The following WDSUB1 variants were observed in gnomAD, a reference collection of about 807,000 sequenced individuals.
WDSUB1 encodes the protein WD repeat, SAM and U-box domain-containing protein 1.
In WDSUB1, 49 loss-of-function variants were observed where a neutral mutation model predicts 53.9. The ratio of observed to expected loss-of-function variants is 0.91; its 90% CI spans 0.72 to 1.15. The LOEUF (loss-of-function observed/expected upper bound fraction) is 1.15, where lower values mean the gene tolerates loss of function less well. Ranked by LOEUF, WDSUB1 falls within the 50% of genes most tolerant of loss-of-function variation. The probability of loss-of-function intolerance (pLI) is 0.00; values close to 1 mark genes in which losing one functional copy is unlikely to be tolerated. For missense variants in WDSUB1, 514 were observed against 562.0 expected (o/e 0.91, Z 0.86); for synonymous variants, 194 against 200.6 (o/e 0.97, Z 0.28).
At position 159,248,497 on chromosome 2, in the gene WDSUB1, C is replaced by T. The variant is rs777763391; in HGVS notation, c.1148G>A (p.Arg383His). 19 of 1,557,718 alleles carry T rather than the reference C, an allele frequency of 1.2e-5. No individual in the cohort carries two copies. The highest frequency in any genetic ancestry group is 1.0e-4 in the Admixed American group (5 of 48,098). The change falls in exon 10 of 11, where the codon CGT becomes CAT. Residue 383 changes from arginine (R) to histidine (H), a missense_variant. Physicochemically the swap from Arg to His is conservative, Grantham distance 29. Coordinates refer to ENST00000359774, the MANE Select transcript of WDSUB1 (RefSeq NM_001128212.3). The part of the protein sequence containing the change: ...DDLKIESLGL[R>H]SKVLRKIEEL... The stretch of plus-strand genomic sequence containing the variant: ...TTCAATTTTCCTCAGCACTTTACTA[C>T]GCAGTCCTAGAGATTCTGAAAAGAA...
intron 9 of WDSUB1, among the ~76,000 whole-genome samples, chr2:159,248,922 T>C (rs2060883329): frequency 6.6e-6 from 1 of 152,216 alleles, no homozygotes; most frequent in South Asian, 2.1e-4. Context: ...AGAGATTTTA[T>C]CTACTACCAC....
chr2:159,261,032 T>C (rs2061177383), intron 5 of WDSUB1, among the ~76,000 whole-genome samples: 1 of 152,170 alleles, frequency 6.6e-6, no homozygotes, highest in Non-Finnish European at 1.5e-5. Flanking sequence ...TTCAAAGATA[T>C]AAAATAAAAC....
rs2061614510 is a variant in WDSUB1, at chr2:159,279,808, T to C, written c.536A>G (p.His179Arg). The C allele has an allele frequency of 6.2e-7, 1 of 1,610,038 alleles. No individual in the cohort carries two copies. The highest frequency in any genetic ancestry group is 1.7e-5 in the Admixed American group (1 of 59,950). The change falls in exon 3 of 11, where the codon CAT becomes CGT. Residue 179 changes from histidine to arginine, a missense_variant. Physicochemically the swap from His to Arg is conservative, Grantham distance 29. Transcript: ENST00000359774. ...ATCGCAGCAGGTAATTCCAAGATCA[T>C]GTGCTTTTTCACTATGCAGACACCT... ...KMRCLHSEKA[H>R]DLGITCCDFS...
rs138625384 is a variant in WDSUB1 at position 159,256,261 on chromosome 2, T to C, written c.1067A>G (p.Asn356Ser). The change falls in exon 9 of 11, where the codon AAT becomes AGT. Residue 356 changes from asparagine (N) to serine (S), a missense_variant. Physicochemically the swap from Asn to Ser is conservative, Grantham distance 46 (BLOSUM62 1). Transcript: ENST00000359774. ...LKDLVGIFKM[N>S]NIDGKELLNL... ...CAACAGTTCTTTTCCATCAATGTTATTCATCTTGAAAATACCAACAAGATC... is the reference window on the plus strand; with the variant it reads ...CAACAGTTCTTTTCCATCAATGTTACTCATCTTGAAAATACCAACAAGATC... The C allele has an allele frequency of 2.4e-5, 39 of 1,611,818 alleles. No homozygotes were observed. Among genetic ancestry groups the C allele is most frequent in the African/African-American group, 8.0e-5 (6 of 74,820 alleles).
chr2:159,245,086 T>C (rs1182112354), intron 10 of WDSUB1, among the ~76,000 whole-genome samples: 1 of 152,214 alleles, frequency 6.6e-6, no homozygotes, highest in Non-Finnish European at 1.5e-5. Context: ...CAAACTAATC[T>C]ATAGATTAAA....
At chr2:159,247,103 G>C (rs188755773) in intron 10 of WDSUB1, among the ~76,000 whole-genome samples, 301 of 152,288 alleles carry the variant, frequency 2.0e-3, no homozygotes, top group African/African-American at 6.4e-3. Flanking sequence ...CTGCAAACAA[G>C]AGTCCTGATA....
chr2:159,282,488 G>A (rs1289940485), intron 2 of WDSUB1, among the ~76,000 whole-genome samples, 184 bp downstream of exon 2: 1 of 152,108 alleles, frequency 6.6e-6, no homozygotes, highest in Non-Finnish European at 1.5e-5. Flanking sequence ...CACAGCACCT[G>A]GCCCAGTTAA....
At chr2:159,250,861 T>C (rs1197419940) in intron 9 of WDSUB1, among the ~76,000 whole-genome samples, 1 of 152,112 alleles carries the variant, frequency 6.6e-6, no homozygotes, top group African/African-American at 2.4e-5. Context: ...TTCCTAAAAA[T>C]CTTCCACCTG....
chr2:159,240,689 T>C (rs2060621471), intron 10 of WDSUB1, among the ~76,000 whole-genome samples: 2 of 152,152 alleles, frequency 1.3e-5, no homozygotes, highest in African/African-American at 4.8e-5. Flanking sequence ...ATTTTATAAA[T>C]GAGGAAACTG....
At chr2:159,256,930 A>C (rs2061077290) in intron 8 of WDSUB1, among the ~76,000 whole-genome samples, 1 of 152,182 alleles carries the variant, frequency 6.6e-6, no homozygotes, top group South Asian at 2.1e-4. Flanking sequence ...GGGACACATG[A>C]ATGTGCACTG....
intron 5 of WDSUB1, among the ~76,000 whole-genome samples, chr2:159,267,367 C>T (rs1272831988): frequency 6.6e-6 from 1 of 150,908 alleles, no homozygotes; most frequent in African/African-American, 2.4e-5. Context: ...GTGGCATGAT[C>T]ATAGGTTGCT....
At chr2:159,243,033 C>G (rs1212756595) in intron 10 of WDSUB1, among the ~76,000 whole-genome samples, 1 of 113,652 alleles carries the variant, frequency 8.8e-6, no homozygotes. Context: ...AGGAATTTCT[C>G]CACACATGTA....
chr2:159,263,241 T>C (rs1351221594), intron 5 of WDSUB1, among the ~76,000 whole-genome samples: 1 of 152,220 alleles, frequency 6.6e-6, no homozygotes, highest in Admixed American at 6.5e-5. Flanking sequence ...CTAGCAATTA[T>C]TTCCTGAGCC....
At chr2:159,253,151 C>T (rs2060986178) in intron 9 of WDSUB1, among the ~76,000 whole-genome samples, 1 of 152,166 alleles carries the variant, frequency 6.6e-6, no homozygotes, top group South Asian at 2.1e-4. Flanking sequence ...AAGTGACTTT[C>T]CTACTCTTAA....
In WDSUB1 at chr2:159,279,764, A is replaced by C. The variant is rs189905304; in HGVS notation, c.580T>G (p.Ser194Ala). 1 of 1,603,430 alleles carries C rather than the reference A, an allele frequency of 6.2e-7. No individual in the cohort carries two copies. The highest frequency in any genetic ancestry group is 2.2e-5 in the East Asian group (1 of 44,770). The change falls in exon 3 of 11, where the codon TCT becomes GCT. Residue 194 changes from serine to alanine, a missense_variant. Physicochemically the swap from Ser to Ala is moderately conservative, Grantham distance 99. Coordinates refer to ENST00000359774, the MANE Select transcript of WDSUB1 (RefSeq NM_001128212.3). ...TCCDFSSQPV[S>A]DGEQGLQFFR... ...TTAAAAGAATAAAATAACCAACCAG[A>C]AACTGGCTGTGAAGAAAAATCGCAG... is the stretch of plus-strand genomic sequence containing the variant.
intron 10 of WDSUB1, among the ~76,000 whole-genome samples, chr2:159,238,893 G>A (rs2060563199): frequency 6.6e-6 from 1 of 151,956 alleles, no homozygotes; most frequent in Non-Finnish European, 1.5e-5. Context: ...CAGCCACTGA[G>A]TCTTCCTACC....
At chr2:159,238,694 T>C (rs564727573) in intron 10 of WDSUB1, among the ~76,000 whole-genome samples, 4 of 152,342 alleles carry the variant, frequency 2.6e-5, no homozygotes, top group African/African-American at 4.8e-5. Flanking sequence ...ACACTACACA[T>C]TCACTTATGG....
intron 5 of WDSUB1, among the ~76,000 whole-genome samples, chr2:159,270,690 A>C (rs1313067423): frequency 6.6e-6 from 1 of 152,238 alleles, no homozygotes; most frequent in Non-Finnish European, 1.5e-5. Context: ...GTGAAAGGCA[A>C]AACAATGAAG....
chr2:159,255,423 C>T (rs557494848), intron 9 of WDSUB1, among the ~76,000 whole-genome samples: 49 of 152,122 alleles, frequency 3.2e-4, no homozygotes, highest in African/African-American at 9.9e-4. Flanking sequence ...ACCGAGATCG[C>T]GCCACTGCAC....
Sources: allele counts gnomAD v4.1 joint callset (sites outside exome capture counted in the v4.1 genomes callset), GRCh38; gene constraint gnomAD v4.1.1; transcripts MANE v1.5; gene names NCBI Gene and HGNC (gene_info 2026-07-23, HGNC 2026-07-21).